Variants in BCKDHB observed in about 807,000 individuals in gnomAD.
BCKDHB encodes 2-oxoisovalerate dehydrogenase subunit beta, mitochondrial.
Under a neutral mutation model 48.5 loss-of-function variants are expected in BCKDHB, and 41 were observed. The observed-to-expected ratio is 0.85, with a 90% CI of 0.66 to 1.10. The LOEUF (loss-of-function observed/expected upper bound fraction) is 1.10. Ranked by LOEUF, BCKDHB falls within the 50% of genes least tolerant of loss-of-function variation. The pLI, the probability that BCKDHB is intolerant of heterozygous loss-of-function variation, is 0.00. For missense variants in BCKDHB, 496 were observed against 494.2 expected (o/e 1.00, Z -0.03); for synonymous variants, 201 against 174.8 (o/e 1.15, Z -1.18).
chr6:80,396,994 T>C, the BCKDHB span, among the ~76,000 whole-genome samples: 1 of 152,198 alleles, frequency 6.6e-6, no homozygotes, highest in Non-Finnish European at 1.5e-5. Flanking sequence ...TTGTGTATGT[T>C]GTATCCTCTA....
the BCKDHB span, among the ~76,000 whole-genome samples, chr6:80,436,820 A>G: frequency 6.6e-6 from 1 of 152,244 alleles, no homozygotes; most frequent in Non-Finnish European, 1.5e-5. Context: ...GCCTGACAGC[A>G]TGATTGCTTT....
At chr6:80,356,275 T>G in the BCKDHB span, 1 of 152,222 alleles carries the variant, frequency 6.6e-6, no homozygotes, top group East Asian at 1.9e-4. Context: ...CAGCTTGGCT[T>G]ACTCTTCTAA....
chr6:80,405,425 T>C, the BCKDHB span, among the ~76,000 whole-genome samples: 2 of 152,172 alleles, frequency 1.3e-5, no homozygotes, highest in African/African-American at 4.8e-5. Context: ...TGCATGTTCT[T>C]AAATATAAAG....
chr6:80,406,656 T>C, the BCKDHB span, among the ~76,000 whole-genome samples: 11 of 152,242 alleles, frequency 7.2e-5, no homozygotes, highest in African/African-American at 2.7e-4. Context: ...AATGTCTTCT[T>C]TTGAGAAATG....
chr6:80,463,749 A>T, the BCKDHB span, among the ~76,000 whole-genome samples: 7 of 152,196 alleles, frequency 4.6e-5, no homozygotes, highest in African/African-American at 1.7e-4. Context: ...ATGCCATAAC[A>T]TTGAACACAT....
chr6:80,254,003 C>T (rs1776945778), intron 8 of BCKDHB, among the ~76,000 whole-genome samples: 1 of 151,658 alleles, frequency 6.6e-6, no homozygotes. Context: ...ATGATCATTA[C>T]TTTATTACAA....
chr6:80,136,167 A>AT (rs1309427552), intron 3 of BCKDHB, among the ~76,000 whole-genome samples: 1 of 152,148 alleles, frequency 6.6e-6, no homozygotes, highest in East Asian at 1.9e-4. Context: ...TGCTTTTTTA[A>AT]TTCAGAAGAA....
At position 80,106,844 on chromosome 6, in the gene BCKDHB, GT is replaced by G. The variant is rs867612284; in HGVS notation, c.152del (p.Val51GlyfsTer21). On this transcript the variant is annotated frameshift_variant, in exon 1 of 10. Transcript: ENST00000320393. LOFTEE classifies it high-confidence loss of function. ...CGAGGATGCGGCCCAGAGGCGGCAGGTGGCTCATTTTACTTTCCAGCCAGAT... is the reference window on the plus strand; with the variant it reads ...CGAGGATGCGGCCCAGAGGCGGCAGGGGCTCATTTTACTTTCCAGCCAGAT... ...TVEDAAQRRQ[V>X]AHFTFQPDPE... 6.2e-7 allele frequency: 1 copy of G among 1,610,338 alleles called. No individual in the cohort carries two copies. Among genetic ancestry groups the G allele is most frequent in the Non-Finnish European group, 8.5e-7 (1 of 1,179,048 alleles).
At chr6:80,439,010 C>G in the BCKDHB span, among the ~76,000 whole-genome samples, 1 of 152,200 alleles carries the variant, frequency 6.6e-6, no homozygotes, top group Non-Finnish European at 1.5e-5. Context: ...AGATAGATTC[C>G]TGCAACCTAA....
At chr6:80,390,220 C>T in the BCKDHB span, among the ~76,000 whole-genome samples, 2 of 152,136 alleles carry the variant, frequency 1.3e-5, no homozygotes, top group East Asian at 1.9e-4. Flanking sequence ...CTTACTATTA[C>T]CATGCCCTGT....
chr6:80,278,230 A>C (rs1356486393), intron 9 of BCKDHB, among the ~76,000 whole-genome samples: 3 of 152,200 alleles, frequency 2.0e-5, no homozygotes, highest in Non-Finnish European at 4.4e-5. Context: ...AACAGATAAA[A>C]CAATCAGGAG....
At chr6:80,424,574 G>A in the BCKDHB span, among the ~76,000 whole-genome samples, 17 of 151,926 alleles carry the variant, frequency 1.1e-4, no homozygotes, top group Admixed American at 2.0e-4. Context: ...TGTTTCATGC[G>A]TTAATGTTTA....
At chr6:80,409,306 G>T in the BCKDHB span, among the ~76,000 whole-genome samples, 1 of 151,788 alleles carries the variant, frequency 6.6e-6, no homozygotes, top group Non-Finnish European at 1.5e-5. Context: ...CAATTATGTG[G>T]TCAATTTTAG....
the BCKDHB span, among the ~76,000 whole-genome samples, chr6:80,423,373 G>T: frequency 6.6e-6 from 1 of 152,152 alleles, no homozygotes; most frequent in Non-Finnish European, 1.5e-5. Flanking sequence ...GACTAATACA[G>T]GCTCTAACAA....
At chr6:80,224,379 A>G (rs1389446131) in intron 8 of BCKDHB, among the ~76,000 whole-genome samples, 2 of 151,936 alleles carry the variant, frequency 1.3e-5, no homozygotes, top group Non-Finnish European at 2.9e-5. Context: ...ATTATCTATA[A>G]AAGAGAGATT....
At chr6:80,261,925 T>C (rs918037637) in intron 8 of BCKDHB, among the ~76,000 whole-genome samples, 3 of 152,214 alleles carry the variant, frequency 2.0e-5, no homozygotes, top group Non-Finnish European at 4.4e-5. Context: ...TATCAGTTTG[T>C]ACAGGCTCAT....
At chr6:80,310,715 A>C (rs1160395732) in intron 9 of BCKDHB, among the ~76,000 whole-genome samples, 1 of 152,178 alleles carries the variant, frequency 6.6e-6, no homozygotes, top group Non-Finnish European at 1.5e-5. Context: ...ACTCCCACCA[A>C]CAATGTAAAA....
the BCKDHB span, among the ~76,000 whole-genome samples, chr6:80,383,093 C>T: frequency 2.5e-3 from 382 of 152,212 alleles, 3 homozygotes; most frequent in African/African-American, 8.7e-3. Context: ...GGAAAAGCTC[C>T]TATTTTGGTC....
the BCKDHB span, among the ~76,000 whole-genome samples, chr6:80,392,373 A>G: frequency 6.7e-6 from 1 of 149,068 alleles, no homozygotes; most frequent in African/African-American, 2.5e-5. Flanking sequence ...TTTTTTTTTT[A>G]TTTATTTTGA....
Sources: gnomAD v4.1 joint callset for allele counts (sites outside exome capture counted in the v4.1 genomes callset) on GRCh38, gnomAD v4.1.1 for gene constraint, MANE v1.5 for transcripts, NCBI Gene and HGNC (gene_info 2026-07-23, HGNC 2026-07-21) for gene names.